Variants in FECH observed in about 807,000 individuals in gnomAD.
FECH encodes the protein ferrochelatase, mitochondrial.
A neutral mutation model predicts 56.9 loss-of-function variants in FECH; 40 were observed. The observed-to-expected ratio is 0.70, with a 90% CI of 0.55 to 0.92. FECH has a LOEUF of 0.92. Ranked by LOEUF, FECH falls within the 40% of genes least tolerant of loss-of-function variation. The pLI is 0.00. For missense variants in FECH, 431 were observed against 529.1 expected (o/e 0.81, Z 1.82); for synonymous variants, 175 against 198.6 (o/e 0.88, Z 1.00).
intron 1 of FECH, among the ~76,000 whole-genome samples, chr18:57,581,037 G>C (rs1002298374): frequency 2.0e-5 from 3 of 152,158 alleles, no homozygotes. Flanking sequence ...TGTCTGTGAG[G>C]CTCCCCACAA....
Position 57,565,768 on chromosome 18 carries a change from G to A in FECH, c.598+679C>T, listed in dbSNP as rs114816023. ...CCAAAAGCAATTTGGGACTAAGAAT[G>A]TGCTGACTTCAATCCTTGCAATGGA... On this transcript the variant is annotated intron_variant, in intron 5 of 10. Transcript: ENST00000262093. Among the ~76,000 whole-genome samples, 1,045 of 152,322 alleles carry A rather than the reference G, an allele frequency of 6.9e-3. 4 individuals are homozygous for A. The highest frequency in any genetic ancestry group is 0.024 in the African/African-American group (982 of 41,562).
intron 9 of FECH, among the ~76,000 whole-genome samples, chr18:57,552,967 G>T (rs1269468255): frequency 1.3e-5 from 2 of 152,176 alleles, no homozygotes; most frequent in East Asian, 3.9e-4. Flanking sequence ...GGTAGCTGAG[G>T]AGAGGATCAC....
Position 57,550,862 on chromosome 18 carries a change from G to C in FECH, c.1138-16C>G. 6.2e-7 allele frequency: 1 copy of C among 1,613,124 alleles called. No homozygotes were observed. Among genetic ancestry groups the C allele is most frequent in the Non-Finnish European group, 8.5e-7 (1 of 1,180,000 alleles). Reference sequence around the variant, plus strand: ...CGGCCAGGGCCTGGAAGATAGACAAGAGGCAAAGACGCATGAGAAGCACAG... The same window carrying C: ...CGGCCAGGGCCTGGAAGATAGACAACAGGCAAAGACGCATGAGAAGCACAG... On this transcript the variant is annotated splice_polypyrimidine_tract_variant and intron_variant, in intron 10 of 10. Transcript: ENST00000262093.
Position 57,551,433 on chromosome 18 carries a change from T to C in FECH, c.1078-59A>G, listed in dbSNP as rs965601057. 167 of 1,269,810 alleles carry C rather than the reference T, an allele frequency of 1.3e-4. 1 individual carries two copies. Among genetic ancestry groups the C allele is most frequent in the Non-Finnish European group, 1.8e-4 (154 of 877,908 alleles). 78.7% of individuals were successfully genotyped at this position (1,269,810 alleles called of 1,614,324 possible). A position where few individuals can be genotyped will look rare whatever the true frequency, so the allele number is the denominator to read the frequency against. On this transcript the variant is annotated intron_variant, in intron 9 of 10. Coordinates refer to ENST00000262093, the MANE Select transcript of FECH (RefSeq NM_000140.5). ...GATATATTTTATTTTCCTTTTTTTT[T>C]CAAAGAAACTGCTACAAAAAAATAA...
chr18:57,555,223 TCTAA>T (rs764016511), intron 7 of FECH, among the ~76,000 whole-genome samples: 2 of 152,144 alleles, frequency 1.3e-5, no homozygotes, highest in Non-Finnish European at 2.9e-5. Flanking sequence ...ACTCACAAGA[TCTAA>T]CTAAAGAGGA....
chr18:57,583,940 G>A (rs1599019210), intron 1 of FECH, among the ~76,000 whole-genome samples: 1 of 152,180 alleles, frequency 6.6e-6, no homozygotes, highest in Non-Finnish European at 1.5e-5. Context: ...CTAGCACTTT[G>A]GGAGGCCGAG....
At chr18:57,551,482 A>G (rs889467274) in intron 9 of FECH, 108 bp from the exon 10 acceptor site, 2 of 847,188 alleles carry the variant, frequency 2.4e-6, no homozygotes, top group Non-Finnish European at 3.9e-6. Context: ...CACACACACA[A>G]TTCAAAGTCT....
intron 3 of FECH, 126 bp from the exon 4 acceptor site, chr18:57,571,666 A>C (rs2051112823): frequency 7.1e-7 from 1 of 1,406,796 alleles, no homozygotes; most frequent in African/African-American, 1.4e-5. Flanking sequence ...AGCCTTTAAA[A>C]CAGAAGCTTG....
chr18:57,560,723 C>G (rs899921979), intron 6 of FECH, among the ~76,000 whole-genome samples: 3 of 152,116 alleles, frequency 2.0e-5, no homozygotes, highest in Admixed American at 6.5e-5. Context: ...AATCTTGTAA[C>G]TTTTCTGCAT....
chr18:57,560,715 T>C (rs1229473959), intron 6 of FECH, among the ~76,000 whole-genome samples: 3 of 152,178 alleles, frequency 2.0e-5, no homozygotes, highest in Non-Finnish European at 2.9e-5. Flanking sequence ...CTATTCTTAA[T>C]CTTGTAACTT....
intron 1 of FECH, among the ~76,000 whole-genome samples, chr18:57,585,308 A>G (rs2051351557): frequency 6.6e-6 from 1 of 152,208 alleles, no homozygotes; most frequent in Non-Finnish European, 1.5e-5. Flanking sequence ...AGTCTGTAAC[A>G]CAAATAAGAC....
At chr18:57,583,084 T>C (rs1345848476) in intron 1 of FECH, among the ~76,000 whole-genome samples, 1 of 152,164 alleles carries the variant, frequency 6.6e-6, no homozygotes, top group East Asian at 1.9e-4. Flanking sequence ...GAGAGGAGAA[T>C]GATGTCGCTG....
chr18:57,578,646 C>A (rs2051218756), intron 2 of FECH, among the ~76,000 whole-genome samples: 1 of 152,072 alleles, frequency 6.6e-6, no homozygotes, highest in South Asian at 2.1e-4. Context: ...CACCACCGCA[C>A]TCCAGCCTGG....
At chr18:57,554,521 G>T (rs545408637) in intron 8 of FECH, 97 bp from the exon 9 acceptor site, 23 of 1,292,458 alleles carry the variant, frequency 1.8e-5, no homozygotes, top group Admixed American at 6.7e-5. Context: ...TGCCCACTGC[G>T]GGCAAGAGCC....
rs545070494 is a variant in FECH at position 57,546,276 on chromosome 18, A to G, written c.*4436T>C. On this transcript the variant is annotated 3_prime_UTR_variant, in exon 11 of 11. Transcript: ENST00000262093. ...CACGTGCCCCCGTGCGCACACATAG[A>G]CGTTCGCTTACAGCTGCCAGCTTTA... Among the ~76,000 whole-genome samples, 43 of 152,228 alleles carry G rather than the reference A, an allele frequency of 2.8e-4. 1 individual carries two copies. The South Asian group carries it at 8.7e-3, about 31-fold the overall frequency.
chr18:57,561,986 C>G (rs2050950013), intron 6 of FECH, among the ~76,000 whole-genome samples: 1 of 152,220 alleles, frequency 6.6e-6, no homozygotes, highest in African/African-American at 2.4e-5. Context: ...AGGAACACTG[C>G]TCTGGGGAGA....
intron 8 of FECH, 106 bp from the exon 9 acceptor site, chr18:57,554,530 C>A (rs1193721573): frequency 7.8e-6 from 9 of 1,155,214 alleles, no homozygotes; most frequent in South Asian, 4.9e-5. Context: ...CGGGCAAGAG[C>A]CACTCTTTAC....
intron 4 of FECH, among the ~76,000 whole-genome samples, chr18:57,570,630 C>A (rs1309203332): frequency 6.6e-6 from 1 of 152,214 alleles, no homozygotes; most frequent in African/African-American, 2.4e-5. Context: ...CTAAGATGTA[C>A]ATTTTTTTGG....
intron 7 of FECH, among the ~76,000 whole-genome samples, chr18:57,557,816 G>A (rs992089227): frequency 6.6e-6 from 1 of 152,052 alleles, no homozygotes; most frequent in African/African-American, 2.4e-5. Context: ...CAAAGCAAAT[G>A]TGTTTGCTCC....
Sources: gnomAD v4.1 joint callset for allele counts (sites outside exome capture counted in the v4.1 genomes callset) on GRCh38, gnomAD v4.1.1 for gene constraint, MANE v1.5 for transcripts, NCBI Gene and HGNC (gene_info 2026-07-23, HGNC 2026-07-21) for gene names.